Variants in HLCS observed in about 807,000 individuals in gnomAD.
HLCS encodes the protein biotin--protein ligase.
HLCS carries 53 observed loss-of-function variants against 75.0 expected under a neutral mutation model. The observed-to-expected ratio is 0.71, with a 90% CI of 0.57 to 0.89. HLCS has a LOEUF of 0.89. Among genes scored for constraint, HLCS ranks in the 40% least tolerant of loss-of-function variants. The pLI, the probability that HLCS is intolerant of heterozygous loss-of-function variation, is 0.00. For missense variants in HLCS, 966 were observed against 1,074.0 expected (o/e 0.90, Z 1.41); for synonymous variants, 431 against 428.6 (o/e 1.01, Z -0.07).
intron 4 of HLCS, among the ~76,000 whole-genome samples, chr21:36,931,534 G>C (rs1035910005): frequency 6.6e-6 from 1 of 152,012 alleles, no homozygotes; most frequent in African/African-American, 2.4e-5. Context: ...AGGATTGCTT[G>C]AGCCTAGGAG....
intron 6 of HLCS, among the ~76,000 whole-genome samples, chr21:36,770,123 C>T (rs1294374727): frequency 8.1e-5 from 12 of 147,250 alleles, no homozygotes; most frequent in Non-Finnish European, 1.5e-5. Context: ...TAAAAAGCAG[C>T]ATACAAAACT....
chr21:36,960,741 C>T (rs1003510098), intron 2 of HLCS, among the ~76,000 whole-genome samples: 1 of 152,148 alleles, frequency 6.6e-6, no homozygotes, highest in Non-Finnish European at 1.5e-5. Context: ...ATCTACATAG[C>T]AGGGAACAAT....
chr21:36,828,251 G>A (rs920612598), intron 6 of HLCS, among the ~76,000 whole-genome samples: 1 of 152,108 alleles, frequency 6.6e-6, no homozygotes, highest in African/African-American at 2.4e-5. Flanking sequence ...ACCAGTATAG[G>A]GAATATCAAC....
At position 36,756,612 on chromosome 21, in the gene HLCS, G is replaced by C; in HGVS notation, c.2380C>G (p.Leu794Val). Residue 794 changes from leucine (L) to valine (V), a missense_variant, in exon 10 of 11, where the codon CTG (leucine) becomes GTG (valine). Leu to Val is a conservative substitution (Grantham distance 32). Coordinates refer to ENST00000674895, the MANE Select transcript of HLCS (RefSeq NM_001352514.2). Reference sequence around the variant, plus strand: ...CCTTTGTCCTGAAACTCTTTGATCAGTTTCTCCAGCACAGTCACGACTCTG... The same window carrying C: ...CCTTTGTCCTGAAACTCTTTGATCACTTTCTCCAGCACAGTCACGACTCTG... ...IARVVTVLEKLIKEFQDKGPN... is the reference protein window; with the variant it reads ...IARVVTVLEKVIKEFQDKGPN... 1 of 1,614,152 alleles carries C rather than the reference G, an allele frequency of 6.2e-7. No homozygotes were observed. The highest frequency in any genetic ancestry group is 8.5e-7 in the Non-Finnish European group (1 of 1,180,032).
intron 6 of HLCS, among the ~76,000 whole-genome samples, chr21:36,893,342 G>T (rs1451125785): frequency 6.6e-6 from 1 of 152,088 alleles, no homozygotes; most frequent in East Asian, 1.9e-4. Flanking sequence ...AAAATGCTGG[G>T]ATTACAGGTG....
At chr21:36,817,881 C>T (rs555406490) in intron 6 of HLCS, among the ~76,000 whole-genome samples, 2 of 152,156 alleles carry the variant, frequency 1.3e-5, no homozygotes, top group African/African-American at 4.8e-5. Context: ...ATGTATTCTG[C>T]GAGATGTCCA....
intron 6 of HLCS, among the ~76,000 whole-genome samples, chr21:36,856,191 G>A (rs967635151): frequency 9.2e-5 from 14 of 152,182 alleles, no homozygotes; most frequent in Admixed American, 3.9e-4. Flanking sequence ...AAAAACCACC[G>A]AATTAATTGT....
intron 1 of HLCS, among the ~76,000 whole-genome samples, chr21:36,973,051 A>G (rs1195564394): frequency 2.5e-5 from 3 of 121,248 alleles, no homozygotes; most frequent in African/African-American, 8.1e-5. Flanking sequence ...CCCCATCTCT[A>G]TGAAAAAAAA....
chr21:36,987,377 C>G (rs933075413), intron 1 of HLCS, among the ~76,000 whole-genome samples: 4 of 152,200 alleles, frequency 2.6e-5, no homozygotes, highest in Admixed American at 6.5e-5. Context: ...CTTTGTGAGG[C>G]TGAGGTGGGC....
At chr21:36,794,546 A>C (rs1476716659) in intron 6 of HLCS, among the ~76,000 whole-genome samples, 1 of 151,982 alleles carries the variant, frequency 6.6e-6, no homozygotes, top group African/African-American at 2.4e-5. Context: ...GGTTGGGGGG[A>C]ATAGGAATAA....
At chr21:36,821,721 T>G (rs899257284) in intron 6 of HLCS, among the ~76,000 whole-genome samples, 2 of 152,194 alleles carry the variant, frequency 1.3e-5, no homozygotes, top group African/African-American at 4.8e-5. Flanking sequence ...CCGCATTTTG[T>G]CTGAATAGAC....
chr21:36,931,745 T>TA (rs66513818), intron 4 of HLCS, among the ~76,000 whole-genome samples: 15,463 of 144,684 alleles, frequency 0.11, 862 homozygotes, highest in East Asian at 0.21. Context: ...TGCGACCATT[T>TA]AAAAAGAAAA....
At chr21:36,756,172 C>T (rs1458850663) in intron 10 of HLCS, among the ~76,000 whole-genome samples, 6 of 152,226 alleles carry the variant, frequency 3.9e-5, no homozygotes, top group Non-Finnish European at 5.9e-5. Context: ...GGCGCGGTGG[C>T]TCACACCTGT....
At chr21:36,935,687 A>G (rs1394809291) in intron 4 of HLCS, among the ~76,000 whole-genome samples, 1 of 152,238 alleles carries the variant, frequency 6.6e-6, no homozygotes, top group Non-Finnish European at 1.5e-5. Flanking sequence ...CCTAAGGATT[A>G]AAAGATTTGG....
chr21:36,810,768 G>A (rs189018678), intron 6 of HLCS, among the ~76,000 whole-genome samples: 1 of 152,266 alleles, frequency 6.6e-6, no homozygotes. Context: ...TTCTAAAAAT[G>A]TAGAAAGTAA....
intron 1 of HLCS, among the ~76,000 whole-genome samples, chr21:36,963,005 T>G (rs1030915824): frequency 9.9e-5 from 15 of 152,134 alleles, no homozygotes; most frequent in African/African-American, 2.7e-4. Context: ...AGTCTCTGGA[T>G]GCTCACACAG....
chr21:36,947,050 C>G (rs1038401204), intron 2 of HLCS, among the ~76,000 whole-genome samples: 1 of 152,094 alleles, frequency 6.6e-6, no homozygotes, highest in African/African-American at 2.4e-5. Flanking sequence ...CAACCTCCCG[C>G]GGGAAGCTAA....
At chr21:36,949,208 T>G (rs949858894) in intron 2 of HLCS, among the ~76,000 whole-genome samples, 1 of 152,232 alleles carries the variant, frequency 6.6e-6, no homozygotes, top group Admixed American at 6.5e-5. Flanking sequence ...TAATCATTTA[T>G]TTTGCTCACA....
chr21:36,842,969 C>T lies in HLCS; in HGVS notation c.1892+53891G>A, dbSNP rs1404041958. Among the ~76,000 whole-genome samples the T allele has an allele frequency of 6.6e-6, 1 of 152,188 alleles. No individual in the cohort carries two copies. The highest frequency in any genetic ancestry group is 1.9e-4 in the East Asian group (1 of 5,200). On this transcript the variant is annotated intron_variant, in intron 6 of 10. Coordinates refer to ENST00000674895, the MANE Select transcript of HLCS (RefSeq NM_001352514.2). The surrounding 1 kb of genome is among the most constrained non-coding windows in gnomAD (Gnocchi z 4.2). ...CCTGGCATCTCTCTGTTGCTTTGCA[C>T]ATGTCTGAAACTGAGCAGTTCTTCC...
Sources: allele counts gnomAD v4.1 joint callset (sites outside exome capture counted in the v4.1 genomes callset), GRCh38; gene constraint gnomAD v4.1.1; non-coding constraint Gnocchi (gnomAD v3.1); transcripts MANE v1.5; gene names NCBI Gene and HGNC (gene_info 2026-07-23, HGNC 2026-07-21).